Variants in DOK5 observed in about 807,000 individuals in gnomAD.
The protein encoded by DOK5 is downstream of tyrosine kinase 5.
Under a neutral mutation model 43.3 loss-of-function variants are expected in DOK5, and 27 were observed. The ratio of observed to expected loss-of-function variants is 0.62; its 90% CI spans 0.46 to 0.86. The LOEUF is 0.86. DOK5 is among the 40% of genes least tolerant of loss of function. The pLI, the probability that DOK5 is intolerant of heterozygous loss-of-function variation, is 0.00. For missense variants in DOK5, 373 were observed against 392.9 expected (o/e 0.95, Z 0.43); for synonymous variants, 146 against 140.1 (o/e 1.04, Z -0.30).
chr20:54,607,582 G>A (rs933785516), intron 5 of DOK5, among the ~76,000 whole-genome samples: 1 of 152,052 alleles, frequency 6.6e-6, no homozygotes, highest in Non-Finnish European at 1.5e-5. Context: ...GATTTATTAT[G>A]TTTCTTAAAA....
chr20:54,516,087 T>C (rs904689319), intron 1 of DOK5, among the ~76,000 whole-genome samples: 20 of 152,194 alleles, frequency 1.3e-4, no homozygotes, highest in African/African-American at 4.6e-4. Flanking sequence ...AGGCTAAAGA[T>C]AGACAAGCAT....
chr20:54,646,306 T>A (rs983292352), intron 7 of DOK5, among the ~76,000 whole-genome samples: 2 of 134,456 alleles, frequency 1.5e-5, no homozygotes, highest in Non-Finnish European at 3.1e-5. Context: ...TAGGCTGGAG[T>A]GCAGTGGTGC....
intron 2 of DOK5, among the ~76,000 whole-genome samples, chr20:54,570,673 C>T (rs1304288841): frequency 6.6e-6 from 1 of 151,778 alleles, no homozygotes; most frequent in Non-Finnish European, 1.5e-5. Context: ...TTTGACTTTG[C>T]AGCATGTCAG....
chr20:54,554,545 G>C (rs1984646462), intron 1 of DOK5, among the ~76,000 whole-genome samples: 1 of 152,226 alleles, frequency 6.6e-6, no homozygotes, highest in Non-Finnish European at 1.5e-5. Flanking sequence ...GATGGGCAAT[G>C]AGATCTTCAG....
chr20:54,554,316 A>G (rs73276945), intron 1 of DOK5, among the ~76,000 whole-genome samples: 1,824 of 152,298 alleles, frequency 0.012, 43 homozygotes, highest in African/African-American at 0.042. Context: ...CAAGTGATTC[A>G]ACATGGCCAA....
At chr20:54,562,749 C>G (rs1298629791) in intron 2 of DOK5, among the ~76,000 whole-genome samples, 4 of 151,060 alleles carry the variant, frequency 2.6e-5, no homozygotes, top group African/African-American at 7.3e-5. Context: ...TTAAAAAAAT[C>G]AATCTAAAAC....
intron 5 of DOK5, among the ~76,000 whole-genome samples, chr20:54,602,285 C>T (rs1986321708): frequency 6.6e-6 from 1 of 152,158 alleles, no homozygotes; most frequent in African/African-American, 2.4e-5. Context: ...AATATGAAGT[C>T]ATGGAGACTT....
chr20:54,564,604 C>G (rs1234641522), intron 2 of DOK5, among the ~76,000 whole-genome samples: 4 of 151,780 alleles, frequency 2.6e-5, no homozygotes, highest in Non-Finnish European at 5.9e-5. Flanking sequence ...AAAGAAAACA[C>G]AAAGAACAAA....
chr20:54,549,593 G>A (rs964552984), intron 1 of DOK5, among the ~76,000 whole-genome samples: 1 of 152,140 alleles, frequency 6.6e-6, no homozygotes, highest in Non-Finnish European at 1.5e-5. Flanking sequence ...AAATCATTAG[G>A]CATGCTGAAA....
intron 6 of DOK5, among the ~76,000 whole-genome samples, chr20:54,640,338 C>T (rs182108437): frequency 3.3e-5 from 5 of 152,266 alleles, no homozygotes; most frequent in Non-Finnish European, 5.9e-5. Context: ...CTATTTCCAC[C>T]AGGGCGGTAC....
chr20:54,628,669 G>A (rs1026638619), intron 6 of DOK5, among the ~76,000 whole-genome samples: 3 of 152,016 alleles, frequency 2.0e-5, no homozygotes, highest in Admixed American at 6.5e-5. Flanking sequence ...ATAGCAATTA[G>A]TATATTACGC....
At chr20:54,483,076 T>G (rs1981789375) in intron 1 of DOK5, among the ~76,000 whole-genome samples, 1 of 152,224 alleles carries the variant, frequency 6.6e-6, no homozygotes, top group African/African-American at 2.4e-5. Context: ...TTCAGTCGTC[T>G]TCATCTGATT....
intron 6 of DOK5, among the ~76,000 whole-genome samples, chr20:54,627,412 A>T (rs1365044192): frequency 6.6e-6 from 1 of 152,228 alleles, no homozygotes; most frequent in Non-Finnish European, 1.5e-5. Context: ...CTTGCATTTT[A>T]TTGGACATAT....
intron 6 of DOK5, among the ~76,000 whole-genome samples, chr20:54,633,988 G>T (rs1184558468): frequency 6.6e-6 from 1 of 152,202 alleles, no homozygotes; most frequent in African/African-American, 2.4e-5. Context: ...GCAGTATTGA[G>T]GCTAAGACCT....
At chr20:54,628,032 A>G (rs1415347358) in intron 6 of DOK5, among the ~76,000 whole-genome samples, 3 of 152,338 alleles carry the variant, frequency 2.0e-5, no homozygotes, top group East Asian at 3.9e-4. Context: ...CTCACTGATC[A>G]GTAATCACAT....
intron 1 of DOK5, among the ~76,000 whole-genome samples, chr20:54,481,183 T>A (rs1004804184): frequency 6.6e-6 from 1 of 151,234 alleles, no homozygotes; most frequent in Non-Finnish European, 1.5e-5. Context: ...TCTATCTATA[T>A]TTTTTTGGCG....
chr20:54,650,072 C>G (rs1979628770), intron 7 of DOK5, among the ~76,000 whole-genome samples: 1 of 152,214 alleles, frequency 6.6e-6, no homozygotes, highest in African/African-American at 2.4e-5. Flanking sequence ...TGCCTTATTG[C>G]TGCTCAGGTT....
At chr20:54,627,136 TG>T (rs1978335567) in intron 6 of DOK5, among the ~76,000 whole-genome samples, 1 of 152,056 alleles carries the variant, frequency 6.6e-6, no homozygotes, top group African/African-American at 2.4e-5. Flanking sequence ...TCAGATTTTT[TG>T]CCATTAAAAC....
At position 54,501,491 on chromosome 20, in the gene DOK5, AAG is replaced by A. The variant is rs1334101697; in HGVS notation, c.66+25481_66+25482del. 2.5e-4 allele frequency among the ~76,000 whole-genome samples: 36 copies of A among 144,610 alleles called. 1 individual carries two copies. Among genetic ancestry groups the A allele is most frequent in the African/African-American group, 9.3e-4 (33 of 35,416 alleles). 94.9% of individuals were successfully genotyped at this position (144,610 alleles called of 152,430 possible). ...CAAAAAAAAAAAAAAAAAAAAAAAA[AAG>A]AAGAAAAGGAAAAAGAAAAAATAAA... is the stretch of plus-strand genomic sequence containing the variant. On this transcript the variant is annotated intron_variant, in intron 1 of 7. Transcript: ENST00000262593.
Sources: allele counts gnomAD v4.1 joint callset (sites outside exome capture counted in the v4.1 genomes callset), GRCh38; gene constraint gnomAD v4.1.1; transcripts MANE v1.5; gene names NCBI Gene and HGNC (gene_info 2026-07-23, HGNC 2026-07-21).